The following RPS4Y1 variants were observed in gnomAD, a reference collection of about 807,000 sequenced individuals.
The protein encoded by RPS4Y1 is small ribosomal subunit protein eS4, Y isoform 1.
For missense variants in RPS4Y1, 30 were observed against 60.9 expected, an observed-to-expected ratio of 0.49 and a Z score of 1.69; for synonymous variants, 23 against 20.8, an observed-to-expected ratio of 1.10 and a Z score of -0.28.
intron 3 of RPS4Y1, among the ~76,000 whole-genome samples, chrY:2,844,684 A>G (rs764053080): frequency 1.5e-4 from 5 of 33,570 alleles, no homozygotes; most frequent in East Asian, 7.8e-4. Context: ...TGAGGTCTTC[A>G]TAGGTCAAGG....
chrY:2,866,732 A>G, intron 6 of RPS4Y1, 61 bp from the exon 7 acceptor site: 1 of 234,100 alleles, frequency 4.3e-6, no homozygotes, highest in East Asian at 1.1e-4. Flanking sequence ...TTTTGGTGGG[A>G]TGTTGTTTTT....
intron 5 of RPS4Y1, among the ~76,000 whole-genome samples, chrY:2,856,427 G>A (rs763566350): frequency 3.0e-5 from 1 of 33,678 alleles, no homozygotes; most frequent in South Asian, 6.6e-4. Flanking sequence ...GTGAGCCACC[G>A]TGCCCAGCCG....
intron 4 of RPS4Y1, among the ~76,000 whole-genome samples, chrY:2,850,240 T>C (rs2051155313): frequency 2.9e-5 from 1 of 34,134 alleles, no homozygotes; most frequent in African/African-American, 1.1e-4. Context: ...GTTTCACATG[T>C]GCAGTTAAAG....
chrY:2,841,650 C>T (rs776430472), intron 1 of RPS4Y1, 23 bp downstream of exon 1: 1 of 386,048 alleles, frequency 2.6e-6, no homozygotes, highest in South Asian at 3.0e-5. Context: ...GTTCCTAACT[C>T]CTAGTATATC....
At chrY:2,865,316 T>C in intron 6 of RPS4Y1, 71 bp downstream of exon 6, 1 of 288,603 alleles carries the variant, frequency 3.5e-6, no homozygotes. Context: ...CTGCATCCAC[T>C]ACTGGTGTTT....
At chrY:2,849,208 G>A in intron 4 of RPS4Y1, among the ~76,000 whole-genome samples, 1 of 33,525 alleles carries the variant, frequency 3.0e-5, no homozygotes, top group Non-Finnish European at 7.4e-5. Flanking sequence ...ATTTTGCTTA[G>A]ATATGCGTGG....
At chrY:2,856,971 G>A (rs2051160384) in intron 5 of RPS4Y1, among the ~76,000 whole-genome samples, 1 of 33,164 alleles carries the variant, frequency 3.0e-5, no homozygotes, top group Non-Finnish European at 7.4e-5. Flanking sequence ...AATAATCTCA[G>A]AATGACAAAG....
At chrY:2,864,316 G>GTGTTT (rs2051165558) in intron 5 of RPS4Y1, among the ~76,000 whole-genome samples, 1 of 32,766 alleles carries the variant, frequency 3.1e-5, no homozygotes, top group Non-Finnish European at 7.5e-5. Context: ...TGTTTTGTTA[G>GTGTTT]TATTAAGACA....
intron 4 of RPS4Y1, among the ~76,000 whole-genome samples, chrY:2,853,058 G>A: frequency 3.0e-5 from 1 of 32,970 alleles, no homozygotes; most frequent in African/African-American, 1.2e-4. Context: ...TTTCAACTTC[G>A]GCCTTTTTTA....
intron 2 of RPS4Y1, 57 bp from the exon 3 acceptor site, chrY:2,844,020 T>C (rs2051151131): frequency 2.9e-6 from 1 of 346,463 alleles, no homozygotes; most frequent in East Asian, 9.5e-5. Flanking sequence ...CTGCTCAATC[T>C]GGTTACATAA....
At chrY:2,844,027 A>G in intron 2 of RPS4Y1, 50 bp from the exon 3 acceptor site, 1 of 360,446 alleles carries the variant, frequency 2.8e-6, no homozygotes, top group Non-Finnish European at 4.0e-6. Context: ...ATCTGGTTAC[A>G]TAAGGAGTGG....
intron 4 of RPS4Y1, among the ~76,000 whole-genome samples, chrY:2,850,100 T>C (rs555475533): frequency 2.0e-4 from 7 of 34,295 alleles, no homozygotes; most frequent in African/African-American, 7.9e-4. Flanking sequence ...CTGTGGATGC[T>C]TAAAGGACCG....
intron 4 of RPS4Y1, among the ~76,000 whole-genome samples, chrY:2,853,658 CCTG>C (rs2051157638): frequency 9.0e-5 from 3 of 33,434 alleles, no homozygotes; most frequent in Admixed American, 5.4e-4. Flanking sequence ...TTGAACTCCT[CCTG>C]CTGATAGATG....
chrY:2,842,916 C>G (rs1396023015), intron 2 of RPS4Y1, among the ~76,000 whole-genome samples: 1 of 33,436 alleles, frequency 3.0e-5, no homozygotes, highest in Non-Finnish European at 7.4e-5. Context: ...AGAATCGAGG[C>G]GCTTAAGATG....
At chrY:2,857,592 T>C (rs2051160832) in intron 5 of RPS4Y1, among the ~76,000 whole-genome samples, 1 of 33,386 alleles carries the variant, frequency 3.0e-5, no homozygotes, top group African/African-American at 1.2e-4. Flanking sequence ...ATTTTTGTAT[T>C]TTTAGTAGAG....
chrY:2,852,012 C>T (rs772842615), intron 4 of RPS4Y1, among the ~76,000 whole-genome samples: 15 of 33,461 alleles, frequency 4.5e-4, no homozygotes, highest in African/African-American at 1.8e-3. Flanking sequence ...GTACTTACAT[C>T]GCTGGGTGGT....
intron 1 of RPS4Y1, chrY:2,841,924 T>C: frequency 8.0e-6 from 3 of 376,916 alleles, no homozygotes; most frequent in Non-Finnish European, 1.1e-5. Flanking sequence ...TGGAGAGCAC[T>C]GTGGACGCTC....
At chrY:2,842,780 T>C (rs2051150054) in intron 2 of RPS4Y1, among the ~76,000 whole-genome samples, 4 of 32,562 alleles carry the variant, frequency 1.2e-4, no homozygotes, top group African/African-American at 4.8e-4. Context: ...AGAGGCACAG[T>C]AGGCAAGCAT....
At chrY:2,858,041 C>A (rs2051161142) in intron 5 of RPS4Y1, among the ~76,000 whole-genome samples, 1 of 33,441 alleles carries the variant, frequency 3.0e-5, no homozygotes, top group Non-Finnish European at 7.4e-5. Flanking sequence ...CATTCCTTCC[C>A]ACACTTTGCT....
Sources: allele counts gnomAD v4.1 joint callset (sites outside exome capture counted in the v4.1 genomes callset), GRCh38; gene constraint gnomAD v4.1.1; transcripts MANE v1.5; gene names NCBI Gene and HGNC (gene_info 2026-07-23, HGNC 2026-07-21).